Variants in DEFB1 observed in about 807,000 individuals in gnomAD.
DEFB1 encodes the protein defensin beta 1.
In DEFB1, 4 loss-of-function variants were observed where a neutral mutation model predicts 2.6. The ratio of observed to expected loss-of-function variants is 1.53; its 90% CI spans 0.76 to 3.51. The LOEUF is 3.51. DEFB1 is among the 30% of genes most tolerant of loss of function. The probability of loss-of-function intolerance (pLI) is 0.01; values close to 1 mark genes in which losing one functional copy is unlikely to be tolerated. For synonymous variants in DEFB1, 56 were observed against 28.5 expected (o/e 1.96, Z -3.07); for missense variants, 162 against 76.9 (o/e 2.11, Z -4.14).
chr8:6,876,136 A>C (rs950431403), intron 1 of DEFB1, among the ~76,000 whole-genome samples: 1 of 152,230 alleles, frequency 6.6e-6, no homozygotes, highest in African/African-American at 2.4e-5. Flanking sequence ...GTAATTAAAT[A>C]GCATCTACTT....
At chr8:6,872,366 A>C (rs2978875) in intron 1 of DEFB1, among the ~76,000 whole-genome samples, 26,862 of 152,246 alleles carry the variant, frequency 0.18, 2,589 homozygotes, top group Admixed American at 0.24. Context: ...GCTCACGAGC[A>C]CTATGTGGCT....
rs1806582577 is a variant in DEFB1 at position 6,877,674 on chromosome 8, G to A, written c.61+123C>T. ...TGCCAACTGCAGGCCACTCAACCAC[G>A]GGATGCTTTCCTGCTGCTTGTTCCT... is the stretch of plus-strand genomic sequence containing the variant. On this transcript the variant is annotated intron_variant, in intron 1 of 1. Transcript: ENST00000297439. 6 of 863,232 alleles carry A rather than the reference G, an allele frequency of 7.0e-6. No homozygotes were observed. In the East Asian group the frequency reaches 8.0e-5, roughly 11 times the overall value. 53.5% of individuals were successfully genotyped at this position (863,232 alleles called of 1,614,324 possible). A position where few individuals can be genotyped will look rare whatever the true frequency, so the allele number is the denominator to read the frequency against.
chr8:6,874,276 T>C (rs1342852229), intron 1 of DEFB1, among the ~76,000 whole-genome samples: 1 of 152,166 alleles, frequency 6.6e-6, no homozygotes, highest in Non-Finnish European at 1.5e-5. Flanking sequence ...AAAAAAGTTA[T>C]TATGAAGGCC....
chr8:6,871,718 C>T (rs1431434403), intron 1 of DEFB1, among the ~76,000 whole-genome samples: 1 of 152,198 alleles, frequency 6.6e-6, no homozygotes, highest in Non-Finnish European at 1.5e-5. Context: ...GGGACAGACA[C>T]ACACAGAGGA....
chr8:6,872,935 T>C (rs995854430), intron 1 of DEFB1, among the ~76,000 whole-genome samples: 5 of 152,214 alleles, frequency 3.3e-5, no homozygotes, highest in African/African-American at 1.2e-4. Context: ...CTGCGAAAGA[T>C]GGAACCTCTC....
chr8:6,870,777 G>T lies in DEFB1; in HGVS notation c.111C>A (p.Cys37Ter), dbSNP rs5743490. ...GLGHRSDHYN[C>*]VSSGGQCLYS... ...AGAGACATTGCCCTCCACTGCTGAC[G>T]CAATTGTAATGATCAGATCTGTGGC... Residue 37 changes from cysteine to a stop codon, truncating the protein, a stop_gained, in exon 2 of 2, where the codon TGC becomes TGA. Coordinates refer to ENST00000297439, the MANE Select transcript of DEFB1 (RefSeq NM_005218.4). LOFTEE classifies it low-confidence loss of function (END_TRUNC). The T allele has an allele frequency of 4.6e-4, 740 of 1,614,210 alleles. 5 individuals are homozygous for T. The African/African-American group carries it at 8.6e-3, about 19-fold the overall frequency.
At chr8:6,877,673 C>G (rs545876721) in intron 1 of DEFB1, 124 bp downstream of exon 1, 2 of 859,522 alleles carry the variant, frequency 2.3e-6, no homozygotes, top group Non-Finnish European at 3.7e-6. Context: ...CACTCAACCA[C>G]GGGATGCTTT....
intron 1 of DEFB1, among the ~76,000 whole-genome samples, chr8:6,871,414 C>T (rs961227957): frequency 2.0e-5 from 3 of 152,030 alleles, no homozygotes; most frequent in Non-Finnish European, 2.9e-5. Context: ...TATCCCAGAT[C>T]TGATAAATAG....
chr8:6,874,114 G>C (rs1806428279), intron 1 of DEFB1, among the ~76,000 whole-genome samples: 1 of 135,992 alleles, frequency 7.4e-6, no homozygotes, highest in South Asian at 2.3e-4. Context: ...TAGAATATCT[G>C]ACATACACAC....
chr8:6,873,098 A>C (rs1034981123), intron 1 of DEFB1, among the ~76,000 whole-genome samples: 1 of 152,184 alleles, frequency 6.6e-6, no homozygotes, highest in African/African-American at 2.4e-5. Context: ...AGGAGGCCCA[A>C]ATTTAATATG....
chr8:6,872,175 C>G (rs1166114983), intron 1 of DEFB1, among the ~76,000 whole-genome samples: 2 of 152,002 alleles, frequency 1.3e-5, no homozygotes, highest in Admixed American at 6.5e-5. Context: ...GTACACTTCC[C>G]AAAGTTTGAA....
chr8:6,873,632 G>C (rs934218567), intron 1 of DEFB1, among the ~76,000 whole-genome samples: 1 of 152,156 alleles, frequency 6.6e-6, no homozygotes, highest in Non-Finnish European at 1.5e-5. Flanking sequence ...CATGTTCTCA[G>C]TTATAAGTGG....
chr8:6,876,970 C>T, intron 1 of DEFB1, among the ~76,000 whole-genome samples: 1 of 152,138 alleles, frequency 6.6e-6, no homozygotes, highest in East Asian at 1.9e-4. Context: ...ATAAATTAAG[C>T]CTATCTGCTG....
intron 1 of DEFB1, 148 bp downstream of exon 1, chr8:6,877,649 T>G (rs1251017413): frequency 4.4e-6 from 3 of 683,960 alleles, no homozygotes; most frequent in African/African-American, 3.6e-5. Context: ...TGCTGCCTTC[T>G]GCCAACTGCA....
chr8:6,873,619 C>T (rs776537428), intron 1 of DEFB1, among the ~76,000 whole-genome samples: 1 of 152,166 alleles, frequency 6.6e-6, no homozygotes, highest in Non-Finnish European at 1.5e-5. Flanking sequence ...AAGCCAAGTA[C>T]CACATGTTCT....
intron 1 of DEFB1, among the ~76,000 whole-genome samples, chr8:6,873,330 G>A (rs185720959): frequency 6.6e-6 from 1 of 152,314 alleles, no homozygotes; most frequent in African/African-American, 2.4e-5. Context: ...TGCATAACCA[G>A]AACTAATTTC....
At chr8:6,874,652 G>T (rs5743463) in intron 1 of DEFB1, among the ~76,000 whole-genome samples, 125,162 of 152,062 alleles carry the variant, frequency 0.82, 51,714 homozygotes, top group Middle Eastern at 0.89. Flanking sequence ...AATAGTAGTG[G>T]CTCAGCAGAA....
rs762139131 is a variant in DEFB1, at chr8:6,870,753, G to C, written c.135C>G (p.Leu45=). The change falls in exon 2 of 2, where the codon CTC becomes CTG. Residue 45 remains leucine (L), a synonymous_variant. Transcript: ENST00000297439. ...YNCVSSGGQC[L]YSACPIFTKI... The stretch of plus-strand genomic sequence containing the variant: ...TGGTAAAGATCGGGCAGGCAGAATA[G>C]AGACATTGCCCTCCACTGCTGACGC... 1.9e-6 allele frequency: 3 copies of C among 1,614,128 alleles called. No individual in the cohort carries two copies. The highest frequency in any genetic ancestry group is 1.3e-5 in the African/African-American group (1 of 74,940).
Position 6,872,456 on chromosome 8 carries a change from A to G in DEFB1, c.62-1630T>C, listed in dbSNP as rs1271249451. On this transcript the variant is annotated intron_variant, in intron 1 of 1. Coordinates refer to ENST00000297439, the MANE Select transcript of DEFB1 (RefSeq NM_005218.4). The stretch of plus-strand genomic sequence containing the variant: ...ACGTTTTATTCAACTTCATTTCAAT[A>G]GAAGGTACTCTGTATTGATACCAGG... 3.3e-5 allele frequency among the ~76,000 whole-genome samples: 5 copies of G among 152,268 alleles called. No individual in the cohort carries two copies. In the South Asian group the frequency reaches 1.0e-3, roughly 32 times the overall value.
Sources: allele counts gnomAD v4.1 joint callset (sites outside exome capture counted in the v4.1 genomes callset), GRCh38; gene constraint gnomAD v4.1.1; transcripts MANE v1.5; gene names NCBI Gene and HGNC (gene_info 2026-07-23, HGNC 2026-07-21).